Variants in UGT3A2 observed in about 807,000 individuals in gnomAD.
UGT3A2 encodes the protein UDP-glycosyltransferase 3A2.
A neutral mutation model predicts 39.8 loss-of-function variants in UGT3A2; 32 were observed. The ratio of observed to expected loss-of-function variants is 0.80; its 90% confidence interval spans 0.61 to 1.08. UGT3A2 has a LOEUF of 1.08. UGT3A2 is among the 50% of genes least tolerant of loss of function. The probability of loss-of-function intolerance (pLI) is 0.00; values close to 1 mark genes in which losing one functional copy is unlikely to be tolerated. For synonymous variants in UGT3A2, 241 were observed against 230.7 expected (o/e 1.04, Z -0.40); for missense variants, 611 against 637.1 (o/e 0.96, Z 0.44).
chr5:36,065,262 A>G (rs113620210), intron 1 of UGT3A2, among the ~76,000 whole-genome samples: 2 of 152,178 alleles, frequency 1.3e-5, no homozygotes, highest in African/African-American at 4.8e-5. Context: ...GTAGAGAAGT[A>G]GTGTTCAGCT....
At chr5:36,043,693 A>T (rs578022879) in intron 4 of UGT3A2, among the ~76,000 whole-genome samples, 1 of 144,490 alleles carries the variant, frequency 6.9e-6, no homozygotes, top group South Asian at 2.2e-4. Context: ...GATGCTACAG[A>T]AATTCAAAGG....
intron 3 of UGT3A2, 48 bp downstream of exon 3, chr5:36,051,822 A>C: frequency 7.3e-7 from 1 of 1,365,086 alleles, no homozygotes; most frequent in Non-Finnish European, 1.0e-6. Flanking sequence ...ATCCATTTGT[A>C]TTATGAAAAT....
At chr5:36,043,337 T>C (rs1742070502) in intron 4 of UGT3A2, among the ~76,000 whole-genome samples, 2 of 151,998 alleles carry the variant, frequency 1.3e-5, no homozygotes, top group South Asian at 4.1e-4. Flanking sequence ...AAACAAATGA[T>C]AATGAAAAGA....
intron 2 of UGT3A2, among the ~76,000 whole-genome samples, chr5:36,061,293 GGTTA>G (rs1437390968): frequency 2.6e-5 from 4 of 151,878 alleles, no homozygotes; most frequent in Admixed American, 6.6e-5. Flanking sequence ...ACATTGTGCA[GGTTA>G]GTTACATACG....
At position 36,049,106 on chromosome 5, in the gene UGT3A2, C is replaced by T. The variant is rs188626248; in HGVS notation, c.626G>A (p.Ser209Asn). 9.3e-6 allele frequency: 15 copies of T among 1,614,182 alleles called. No homozygotes were observed. The Admixed American group carries it at 2.3e-4, about 25-fold the overall frequency. ...GRVKNFLMFF[S>N]FCRRQQHMQS... is the part of the protein sequence containing the mutation. ...CATGTGCTGTTGCCTCCTGCAGAAACTAAAGAACATCAGAAAATTCTTCAC... is the reference window on the plus strand; with the variant it reads ...CATGTGCTGTTGCCTCCTGCAGAAATTAAAGAACATCAGAAAATTCTTCAC... The change falls in exon 4 of 7, where the codon AGT becomes AAT. Residue 209 changes from serine (S) to asparagine (N), a missense_variant. Ser to Asn is a conservative substitution (Grantham distance 46). Transcript: ENST00000282507.
At position 36,035,711 on chromosome 5, in the gene UGT3A2, A is replaced by G. The variant is rs1309822042; in HGVS notation, c.1559T>C (p.Val520Ala). The G allele has an allele frequency of 2.5e-6, 4 of 1,613,958 alleles. No homozygotes were observed. The South Asian group carries it at 4.4e-5, about 18-fold the overall frequency. ...AVWWLRGARKVKET is the reference protein window; with the variant it reads ...AVWWLRGARKAKET ...CTGCACCTGGCCTTATGTCTCCTTCACCTTTCTGGCCCCACGCAGCCACCA... is the reference window on the plus strand; with the variant it reads ...CTGCACCTGGCCTTATGTCTCCTTCGCCTTTCTGGCCCCACGCAGCCACCA... The change falls in exon 7 of 7, where the codon GTG (valine) becomes GCG (alanine). Residue 520 changes from valine to alanine, a missense_variant. Physicochemically the swap from Val to Ala is moderately conservative, Grantham distance 64. Coordinates refer to ENST00000282507, the MANE Select transcript of UGT3A2 (RefSeq NM_174914.4).
At position 36,066,672 on chromosome 5, in the gene UGT3A2, G is replaced by A. The variant is rs771426959; in HGVS notation, c.94+24C>T. Reference sequence around the variant, plus strand: ...CGAGTATCCGGGACGCGCCTGTCTGGGAATTCTCCGGCCAAGCACTCACCT... The same window carrying A: ...CGAGTATCCGGGACGCGCCTGTCTGAGAATTCTCCGGCCAAGCACTCACCT... On this transcript the variant is annotated intron_variant, in intron 1 of 6. Coordinates refer to ENST00000282507, the MANE Select transcript of UGT3A2 (RefSeq NM_174914.4). The A allele has an allele frequency of 2.5e-6, 4 of 1,613,744 alleles. No individual in the cohort carries two copies. In the African/African-American group the frequency reaches 5.3e-5, roughly 22 times the overall value.
At chr5:36,038,068 C>T (rs1169412210) in intron 5 of UGT3A2, 52 bp from the exon 6 acceptor site, 12 of 1,531,790 alleles carry the variant, frequency 7.8e-6, no homozygotes, top group Non-Finnish European at 1.1e-5. Flanking sequence ...AATTTCAAAA[C>T]ATCAGGCAGA....
chr5:36,039,854 A>G (rs1741952580), intron 4 of UGT3A2, 146 bp from the exon 5 acceptor site: 1 of 654,740 alleles, frequency 1.5e-6, no homozygotes. Context: ...GTATAGCTCG[A>G]TACTAGCTGC....
chr5:36,035,364 G>A lies in UGT3A2; in HGVS notation c.*334C>T, dbSNP rs764213309. On this transcript the variant is annotated 3_prime_UTR_variant, in exon 7 of 7. Transcript: ENST00000282507. ...GAGTCAGGGTGTGATTCGGAGAGGC[G>A]CATGAGAAGGAAGGTGGATTTTAAG... The A allele has an allele frequency of 2.4e-4, 74 of 313,106 alleles. No homozygotes were observed. Among genetic ancestry groups the A allele is most frequent in the Non-Finnish European group, 3.4e-4 (56 of 164,754 alleles). 19.4% of individuals were successfully genotyped at this position (313,106 alleles called of 1,614,324 possible). A position where few individuals can be genotyped will look rare whatever the true frequency, so the allele number is the denominator to read the frequency against.
At chr5:36,063,224 T>G (rs956021465) in intron 2 of UGT3A2, among the ~76,000 whole-genome samples, 1 of 152,116 alleles carries the variant, frequency 6.6e-6, no homozygotes, top group Non-Finnish European at 1.5e-5. Context: ...GAGTTTGGGC[T>G]TTTCCCTGAG....
chr5:36,042,387 A>T (rs1251457213), intron 4 of UGT3A2, among the ~76,000 whole-genome samples: 1 of 152,164 alleles, frequency 6.6e-6, no homozygotes, highest in Non-Finnish European at 1.5e-5. Context: ...CTTAAAACAG[A>T]TACACAAAAA....
intron 3 of UGT3A2, among the ~76,000 whole-genome samples, chr5:36,051,217 C>T (rs751032154): frequency 1.3e-5 from 2 of 152,038 alleles, no homozygotes; most frequent in Admixed American, 6.6e-5. Flanking sequence ...AAGGCCACTG[C>T]GATTGACCAA....
intron 2 of UGT3A2, among the ~76,000 whole-genome samples, chr5:36,052,892 C>A (rs1742392988): frequency 1.3e-5 from 2 of 152,168 alleles, no homozygotes. Flanking sequence ...CATACTCAAG[C>A]TAATTGAAAT....
chr5:36,059,085 TAA>T (rs1742604353), intron 2 of UGT3A2, among the ~76,000 whole-genome samples: 2 of 151,900 alleles, frequency 1.3e-5, no homozygotes, highest in East Asian at 3.9e-4. Flanking sequence ...TAGGGATAGA[TAA>T]AGACTAGCAG....
At chr5:36,045,486 G>A (rs144644186) in intron 4 of UGT3A2, among the ~76,000 whole-genome samples, 2,297 of 151,832 alleles carry the variant, frequency 0.015, 27 homozygotes, top group African/African-American at 0.049. Flanking sequence ...CCAGCTGCTC[G>A]GGAGGCTGAG....
At chr5:36,049,443 A>C in intron 3 of UGT3A2, 23 bp from the exon 4 acceptor site, 1 of 1,498,744 alleles carries the variant, frequency 6.7e-7, no homozygotes, top group Non-Finnish European at 9.0e-7. Flanking sequence ...AATGATAATA[A>C]ATATTCATGG....
In UGT3A2 at chr5:36,037,754, C is replaced by T. The variant is rs760525725; in HGVS notation, c.1295+43G>A. On this transcript the variant is annotated intron_variant, in intron 6 of 6. Coordinates refer to ENST00000282507, the MANE Select transcript of UGT3A2 (RefSeq NM_174914.4). The stretch of plus-strand genomic sequence containing the variant: ...TCCCATAGTGCCCTTAGTGTTTTTG[C>T]CTTCATTCGTCATTATGACCACAAC... The T allele has an allele frequency of 2.5e-6, 4 of 1,604,848 alleles. No individual in the cohort carries two copies. In the African/African-American group the frequency reaches 4.0e-5, roughly 16 times the overall value.
intron 4 of UGT3A2, among the ~76,000 whole-genome samples, chr5:36,047,516 T>A (rs1742203338): frequency 1.3e-5 from 2 of 152,184 alleles, no homozygotes; most frequent in Non-Finnish European, 2.9e-5. Context: ...TATTACGTGG[T>A]TCAGACTCTA....
Sources: gnomAD v4.1 joint callset for allele counts (sites outside exome capture counted in the v4.1 genomes callset) on GRCh38, gnomAD v4.1.1 for gene constraint, MANE v1.5 for transcripts, NCBI Gene and HGNC (gene_info 2026-07-23, HGNC 2026-07-21) for gene names.